The following CDH8 variants were observed in gnomAD, a reference collection of about 807,000 sequenced individuals.
CDH8 encodes the protein cadherin 8, also known as cadherin-8.
CDH8 carries 17 observed loss-of-function variants against 68.1 expected under a neutral mutation model. The observed-to-expected ratio is 0.25, with a 90% CI of 0.17 to 0.37. CDH8 has a LOEUF of 0.37. Among genes scored for constraint, CDH8 ranks in the 10% least tolerant of loss-of-function variants. The probability of loss-of-function intolerance (pLI) is 1.00; values close to 1 mark genes in which losing one functional copy is unlikely to be tolerated. For missense variants in CDH8, 763 were observed against 999.3 expected (o/e 0.76, Z 3.19); for synonymous variants, 372 against 365.1 (o/e 1.02, Z -0.21).
chr16:61,727,276 C>A, intron 8 of CDH8, 61 bp from the exon 9 acceptor site: 2 of 1,508,362 alleles, frequency 1.3e-6, no homozygotes, highest in South Asian at 1.3e-5. Context: ...TGCAACTCAA[C>A]TTTCTCTTGA....
At chr16:61,937,378 C>T (rs546723326) in intron 2 of CDH8, among the ~76,000 whole-genome samples, 20 of 152,180 alleles carry the variant, frequency 1.3e-4, no homozygotes, top group African/African-American at 3.6e-4. Context: ...CTAGGAAAGA[C>T]GCAGGTTTCT....
chr16:62,005,254 C>T (rs1161257546), intron 2 of CDH8, among the ~76,000 whole-genome samples: 1 of 152,212 alleles, frequency 6.6e-6, no homozygotes, highest in East Asian at 1.9e-4. Flanking sequence ...TATAGGAAGA[C>T]AGCTGCAAAA....
At chr16:61,783,457 C>A (rs1373507451) in intron 8 of CDH8, among the ~76,000 whole-genome samples, 1 of 151,974 alleles carries the variant, frequency 6.6e-6, no homozygotes, top group Non-Finnish European at 1.5e-5. Context: ...AAATCTACAT[C>A]TCATTGGTGT....
chr16:61,924,810 A>C (rs1184168943), intron 2 of CDH8, among the ~76,000 whole-genome samples: 1 of 152,154 alleles, frequency 6.6e-6, no homozygotes, highest in Non-Finnish European at 1.5e-5. Flanking sequence ...TAAATCAATA[A>C]ATAAAAACGG....
chr16:61,877,517 C>T (rs916226864), intron 3 of CDH8, among the ~76,000 whole-genome samples: 1 of 152,082 alleles, frequency 6.6e-6, no homozygotes, highest in African/African-American at 2.4e-5. Flanking sequence ...CTACTTGAGA[C>T]AGAAAAGAGA....
At chr16:62,014,528 T>A (rs1901890324) in intron 2 of CDH8, among the ~76,000 whole-genome samples, 1 of 152,186 alleles carries the variant, frequency 6.6e-6, no homozygotes, top group Non-Finnish European at 1.5e-5. Flanking sequence ...CCAACGCTCT[T>A]AACATGCAAA....
At chr16:61,875,314 A>T (rs1193838896) in intron 3 of CDH8, among the ~76,000 whole-genome samples, 3 of 152,156 alleles carry the variant, frequency 2.0e-5, no homozygotes, top group African/African-American at 7.2e-5. Context: ...ATAGAGCATT[A>T]CAATGACCCA....
At chr16:61,963,748 T>G (rs1447055973) in intron 2 of CDH8, among the ~76,000 whole-genome samples, 1 of 152,354 alleles carries the variant, frequency 6.6e-6, no homozygotes, top group African/African-American at 2.4e-5. Context: ...GAATCAAATA[T>G]TCCTCAATGT....
At chr16:61,940,735 A>C (rs1268622447) in intron 2 of CDH8, 2 of 152,136 alleles carry the variant, frequency 1.3e-5, no homozygotes, top group African/African-American at 4.8e-5. Context: ...CTTGGAAGAG[A>C]GGCTGCTGGA....
At chr16:61,766,026 G>A (rs1442187941) in intron 8 of CDH8, among the ~76,000 whole-genome samples, 1 of 151,830 alleles carries the variant, frequency 6.6e-6, no homozygotes, top group East Asian at 1.9e-4. Context: ...GTTTACAGGT[G>A]GTTTGGGGTT....
At chr16:62,006,777 C>T (rs1446774624) in intron 2 of CDH8, among the ~76,000 whole-genome samples, 1 of 152,160 alleles carries the variant, frequency 6.6e-6, no homozygotes, top group African/African-American at 2.4e-5. Context: ...TTAGCCTTTT[C>T]TGTGGCCATT....
At chr16:61,784,024 T>C (rs2142993049) in intron 8 of CDH8, among the ~76,000 whole-genome samples, 1 of 152,088 alleles carries the variant, frequency 6.6e-6, no homozygotes, top group African/African-American at 2.4e-5. Context: ...AGAAACTGCA[T>C]CAACTAACGA....
At chr16:61,668,971 AC>A (rs1431516680) in intron 10 of CDH8, among the ~76,000 whole-genome samples, 1 of 152,106 alleles carries the variant, frequency 6.6e-6, no homozygotes, top group Non-Finnish European at 1.5e-5. Context: ...AGTGAAGTAC[AC>A]AGTGTTTTCA....
intron 7 of CDH8, among the ~76,000 whole-genome samples, chr16:61,800,277 T>A (rs988801271): frequency 2.6e-5 from 4 of 152,236 alleles, no homozygotes; most frequent in African/African-American, 7.2e-5. Flanking sequence ...AAATGCTCAT[T>A]CCTAAACGCA....
At chr16:61,901,884 T>C (rs1963981439) in intron 2 of CDH8, among the ~76,000 whole-genome samples, 1 of 152,140 alleles carries the variant, frequency 6.6e-6, no homozygotes, top group Non-Finnish European at 1.5e-5. Flanking sequence ...TCCTTTTTAT[T>C]TAAAAAACTG....
chr16:61,807,328 G>T (rs367614611), intron 7 of CDH8, among the ~76,000 whole-genome samples: 2 of 115,096 alleles, frequency 1.7e-5, no homozygotes, highest in South Asian at 7.3e-4. Flanking sequence ...GTGGTGGGGT[G>T]GGGGGAGGGG....
At chr16:61,921,935 G>A (rs889642806) in intron 2 of CDH8, among the ~76,000 whole-genome samples, 2 of 152,134 alleles carry the variant, frequency 1.3e-5, no homozygotes, top group Non-Finnish European at 2.9e-5. Context: ...GGAGGCTGAG[G>A]CAGGAGAATT....
chr16:61,945,746 C>T (rs1964792581), intron 2 of CDH8, among the ~76,000 whole-genome samples: 1 of 152,132 alleles, frequency 6.6e-6, no homozygotes, highest in African/African-American at 2.4e-5. Context: ...TTAGAAACGA[C>T]CAGCTGGTGT....
rs1268748708 is a variant in CDH8 at position 61,651,639 on chromosome 16, T to G, written c.*1969A>C. 1 of 152,172 alleles carries G rather than the reference T, an allele frequency of 6.6e-6. No homozygotes were observed. The highest frequency in any genetic ancestry group is 6.6e-5 in the Admixed American group (1 of 15,262). The allele number at this position is 152,172 out of a possible 1,614,324, so 9.4% of individuals were successfully genotyped here. A position where few individuals can be genotyped will look rare whatever the true frequency, so the allele number is the denominator to read the frequency against. Reference sequence around the variant, plus strand: ...ACCCCCTGTCAGACTGGCAGAGATTTTGCCAGGTCCGCACTGCAGTCTAAG... The same window carrying G: ...ACCCCCTGTCAGACTGGCAGAGATTGTGCCAGGTCCGCACTGCAGTCTAAG... On this transcript the variant is annotated 3_prime_UTR_variant, in exon 12 of 12. Coordinates refer to ENST00000577390, the MANE Select transcript of CDH8 (RefSeq NM_001796.5).
Sources: allele counts gnomAD v4.1 joint callset (sites outside exome capture counted in the v4.1 genomes callset), GRCh38; gene constraint gnomAD v4.1.1; transcripts MANE v1.5; gene names NCBI Gene and HGNC (gene_info 2026-07-23, HGNC 2026-07-21).